The following DHX8 variants were observed in gnomAD, a reference collection of about 807,000 sequenced individuals.
The protein encoded by DHX8 is ATP-dependent RNA helicase DHX8.
A neutral mutation model predicts 140.7 loss-of-function variants in DHX8; 67 were observed. The ratio of observed to expected loss-of-function variants is 0.48; its 90% confidence interval spans 0.39 to 0.58. The LOEUF is 0.58. DHX8 is among the 20% of genes least tolerant of loss of function. The probability of loss-of-function intolerance (pLI) is 0.00; values close to 1 mark genes in which losing one functional copy is unlikely to be tolerated. For synonymous variants in DHX8, 533 were observed against 553.2 expected (o/e 0.96, Z 0.51); for missense variants, 887 against 1,550.7 (o/e 0.57, Z 7.19).
In DHX8 at chr17:43,492,241, C is replaced by G. The variant is rs1968563639; in HGVS notation, c.452C>G (p.Ala151Gly). ...VAVDVLKELEALMPSAAGQEK... is the reference protein window; with the variant it reads ...VAVDVLKELEGLMPSAAGQEK... ...GTGGATGTCCTGAAAGAACTGGAAG[C>G]TTTAATGCCCAGCGCAGCAGGCCAG... Residue 151 changes from alanine (A) to glycine (G), a missense_variant, in exon 5 of 23, where the codon GCT (alanine) becomes GGT (glycine). By Grantham distance (60) the Ala-to-Gly change is moderately conservative (BLOSUM62 0). Transcript: ENST00000262415. The G allele has an allele frequency of 1.9e-6, 3 of 1,613,982 alleles. No homozygotes were observed. Among genetic ancestry groups the G allele is most frequent in the Non-Finnish European group, 2.5e-6 (3 of 1,179,994 alleles).
chr17:43,536,064 T>C (rs886210384), intron 2 of DHX8, among the ~76,000 whole-genome samples: 4 of 152,182 alleles, frequency 2.6e-5, no homozygotes, highest in African/African-American at 7.2e-5. Flanking sequence ...TGAGCCGAGA[T>C]TGTGCCACTG....
chr17:43,530,162 T>G (rs141492045), downstream of DHX8: 17 of 1,558,074 alleles, frequency 1.1e-5, no homozygotes, highest in Admixed American at 5.9e-5. Context: ...GGAGGTACAT[T>G]GATGCGCACC....
intron 3 of DHX8, among the ~76,000 whole-genome samples, chr17:43,538,665 G>A (rs76073095): frequency 0.013 from 1,969 of 152,204 alleles, 48 homozygotes; most frequent in African/African-American, 0.046. Context: ...CCAGAGTCTT[G>A]GCCCACTTTT....
At position 43,493,775 on chromosome 17, in the gene DHX8, T is replaced by C; in HGVS notation, c.1101T>C (p.Pro367=). The change falls in exon 8 of 23, where the codon CCT becomes CCC. Residue 367 remains proline, a synonymous_variant. Coordinates refer to ENST00000262415, the MANE Select transcript of DHX8 (RefSeq NM_004941.3). ...ATGAGGAGACCTCAATGCGGAATCCTGATAGACCCACTCACTTGTCCCTTG... is the reference window on the plus strand; with the variant it reads ...ATGAGGAGACCTCAATGCGGAATCCCGATAGACCCACTCACTTGTCCCTTG... ...ETNEETSMRN[P]DRPTHLSLVS... The C allele has an allele frequency of 6.2e-7, 1 of 1,614,234 alleles. No individual in the cohort carries two copies. Among genetic ancestry groups the C allele is most frequent in the Non-Finnish European group, 8.5e-7 (1 of 1,180,048 alleles).
intron 4 of DHX8, 38 bp from the exon 5 acceptor site, chr17:43,492,145 G>GT (rs747374814): frequency 4.7e-5 from 70 of 1,490,872 alleles, no homozygotes; most frequent in African/African-American, 2.5e-4. Flanking sequence ...TTCTTGAGTA[G>GT]TTTTTTTTCC....
intron 1 of DHX8, among the ~76,000 whole-genome samples, chr17:43,488,677 A>T (rs373325604): frequency 6.6e-6 from 1 of 151,946 alleles, no homozygotes; most frequent in Admixed American, 6.6e-5. Flanking sequence ...TCTTTCATCA[A>T]TGTGGAGATT....
At chr17:43,532,280 T>C (rs996872244) in intron 2 of DHX8, among the ~76,000 whole-genome samples, 5 of 152,148 alleles carry the variant, frequency 3.3e-5, no homozygotes, top group African/African-American at 9.7e-5. Flanking sequence ...CGATGGATCA[T>C]ATGAAGTCAG....
rs561230856 is a variant in DHX8, at chr17:43,509,389, G to A, written c.2502+869G>A. Among the ~76,000 whole-genome samples, 11 of 152,260 alleles carry A rather than the reference G, an allele frequency of 7.2e-5. No individual in the cohort carries two copies. The South Asian group carries it at 2.3e-3, about 32-fold the overall frequency. ...TATGACTGTGTGTATGAGACAACAG[G>A]AAAGGAGACAGATGGATGTAGGTAT... On this transcript the variant is annotated intron_variant, in intron 16 of 22. Coordinates refer to ENST00000262415, the MANE Select transcript of DHX8 (RefSeq NM_004941.3).
At chr17:43,521,121 T>C (rs545374405) in intron 20 of DHX8, among the ~76,000 whole-genome samples, 1 of 151,964 alleles carries the variant, frequency 6.6e-6, no homozygotes, top group East Asian at 1.9e-4. Flanking sequence ...CGCCACCGTG[T>C]GCTGCTAATT....
At chr17:43,505,808 C>G (rs1264465856) in intron 12 of DHX8, among the ~76,000 whole-genome samples, 2 of 151,958 alleles carry the variant, frequency 1.3e-5, no homozygotes, top group African/African-American at 4.8e-5. Context: ...CCGAGTCTTC[C>G]TTGAGGTAAT....
chr17:43,538,215 G>A (rs183824817), intron 3 of DHX8, among the ~76,000 whole-genome samples: 67 of 152,028 alleles, frequency 4.4e-4, no homozygotes, highest in Admixed American at 3.5e-3. Flanking sequence ...GCTGAGACAG[G>A]AGAATAACTT....
chr17:43,517,532 T>C lies in DHX8; in HGVS notation c.2799+210T>C, dbSNP rs557309346. On this transcript the variant is annotated intron_variant, in intron 18 of 22. Coordinates refer to ENST00000262415, the MANE Select transcript of DHX8 (RefSeq NM_004941.3). Reference sequence around the variant, plus strand: ...GTCTGCTGTGAACACACATTTTTTCTTACCATAACAACCAGCAGGATATTA... The same window carrying C: ...GTCTGCTGTGAACACACATTTTTTCCTACCATAACAACCAGCAGGATATTA... 2.9e-5 allele frequency: 16 copies of C among 556,164 alleles called. No homozygotes were observed. The African/African-American group carries it at 3.1e-4, about 11-fold the overall frequency. The allele number at this position is 556,164 out of a possible 1,614,324, so 34.5% of individuals were successfully genotyped here.
chr17:43,514,751 G>A (rs948288112), intron 17 of DHX8, among the ~76,000 whole-genome samples: 1 of 152,096 alleles, frequency 6.6e-6, no homozygotes, highest in African/African-American at 2.4e-5. Flanking sequence ...AGGAAACCTG[G>A]AAAAAATTCT....
At chr17:43,512,914 AT>A (rs1384056357) in intron 16 of DHX8, among the ~76,000 whole-genome samples, 1 of 152,084 alleles carries the variant, frequency 6.6e-6, no homozygotes, top group East Asian at 1.9e-4. Flanking sequence ...CCACATACAT[AT>A]TCCGCAAAAT....
intron 1 of DHX8, among the ~76,000 whole-genome samples, chr17:43,485,168 T>C (rs573993342): frequency 1.2e-4 from 18 of 152,256 alleles, no homozygotes; most frequent in African/African-American, 4.1e-4. Flanking sequence ...GGACAGAGAA[T>C]ACAGTTGCAG....
chr17:43,484,292 ATCTG>A, intron 1 of DHX8, 107 bp downstream of exon 1: 1 of 1,313,006 alleles, frequency 7.6e-7, no homozygotes, highest in Non-Finnish European at 1.1e-6. Context: ...GTTCGTGTGA[ATCTG>A]TCTCTCTCTG....
intron 17 of DHX8, among the ~76,000 whole-genome samples, chr17:43,515,160 CTT>C (rs1555553798): frequency 6.6e-6 from 1 of 152,022 alleles, no homozygotes; most frequent in Non-Finnish European, 1.5e-5. Flanking sequence ...TATTTTGAAA[CTT>C]AAGTAATAAT....
chr17:43,531,674 C>T (rs530129949), downstream of DHX8, among the ~76,000 whole-genome samples: 1 of 152,192 alleles, frequency 6.6e-6, no homozygotes, highest in Admixed American at 6.5e-5. Context: ...CATCTCAAAA[C>T]AAACAAACAG....
Position 43,524,226 on chromosome 17 carries a change from T to G in DHX8, c.*379T>G. 9.3e-7 allele frequency: 1 copy of G among 1,070,276 alleles called. No homozygotes were observed. Among genetic ancestry groups the G allele is most frequent in the Non-Finnish European group, 1.1e-6 (1 of 881,262 alleles). The allele number at this position is 1,070,276 out of a possible 1,614,324, so 66.3% of individuals were successfully genotyped here. A position where few individuals can be genotyped will look rare whatever the true frequency, so the allele number is the denominator to read the frequency against. On this transcript the variant is annotated 3_prime_UTR_variant, in exon 23 of 23. Transcript: ENST00000262415. ...CCCCAGCTAGCAGGAGCTACTGTGC[T>G]CATCTAAAGTGTTTGCCCCACTTCC... is the stretch of plus-strand genomic sequence containing the variant.
Sources: gnomAD v4.1 joint callset for allele counts (sites outside exome capture counted in the v4.1 genomes callset) on GRCh38, gnomAD v4.1.1 for gene constraint, MANE v1.5 for transcripts, NCBI Gene and HGNC (gene_info 2026-07-23, HGNC 2026-07-21) for gene names.